ZC3H8: variants seen among roughly 807,000 people sequenced by gnomAD.
ZC3H8 encodes zinc finger CCCH-type containing 8.
Under a neutral mutation model 42.5 loss-of-function variants are expected in ZC3H8, and 27 were observed. That is an observed-to-expected ratio of 0.64 (90% confidence interval 0.47 to 0.88). The LOEUF is 0.88. Ranked by LOEUF, ZC3H8 falls within the 40% of genes least tolerant of loss-of-function variation. The pLI, the probability that ZC3H8 is intolerant of heterozygous loss-of-function variation, is 0.00. For missense variants in ZC3H8, 277 were observed against 336.1 expected (o/e 0.82, Z 1.37); for synonymous variants, 101 against 110.1 (o/e 0.92, Z 0.52).
intron 2 of ZC3H8, among the ~76,000 whole-genome samples, chr2:112,244,119 A>G (rs1685679194): frequency 6.6e-6 from 1 of 152,024 alleles, no homozygotes; most frequent in Non-Finnish European, 1.5e-5. Flanking sequence ...AAAGATTCAC[A>G]ATCGCATAGA....
At chr2:112,242,125 G>A (rs900476858) in intron 2 of ZC3H8, among the ~76,000 whole-genome samples, 2 of 152,168 alleles carry the variant, frequency 1.3e-5, no homozygotes, top group African/African-American at 4.8e-5. Flanking sequence ...TTAAATGAAT[G>A]GACAACAAAG....
At position 112,213,814 on chromosome 2, in the gene ZC3H8, T is replaced by C. The variant is rs914417963; in HGVS notation, c.*2670A>G. ...AAAAAAAAAAAAAAAAAAAAAAATTTAGTTCTACTATTATGTGGCTTTTAG... is the reference window on the plus strand; with the variant it reads ...AAAAAAAAAAAAAAAAAAAAAAATTCAGTTCTACTATTATGTGGCTTTTAG... On this transcript the variant is annotated 3_prime_UTR_variant, in exon 9 of 9. Transcript: ENST00000409573. 6.9e-6 allele frequency: 1 copy of C among 143,932 alleles called. No individual in the cohort carries two copies. Among genetic ancestry groups the C allele is most frequent in the Non-Finnish European group, 1.5e-5 (1 of 66,474 alleles). 8.9% of individuals were successfully genotyped at this position (143,932 alleles called of 1,614,324 possible).
intron 2 of ZC3H8, 35 bp downstream of exon 2, chr2:112,250,156 G>T: frequency 1.4e-6 from 2 of 1,465,888 alleles, no homozygotes; most frequent in Non-Finnish European, 1.8e-6. Flanking sequence ...AAAAATCTGC[G>T]TTTTCAACTT....
intron 4 of ZC3H8, 49 bp downstream of exon 4, chr2:112,236,513 C>A (rs1207191243): frequency 6.3e-7 from 1 of 1,596,854 alleles, no homozygotes; most frequent in Admixed American, 1.8e-5. Context: ...AAGATCAAGT[C>A]CAAAAGCATG....
At chr2:112,228,085 G>A (rs1573895930) in intron 8 of ZC3H8, among the ~76,000 whole-genome samples, 1 of 151,726 alleles carries the variant, frequency 6.6e-6, no homozygotes, top group East Asian at 1.9e-4. Context: ...TAGTGTATAA[G>A]GACACACATA....
Position 112,233,165 on chromosome 2 carries a change from GTA to G in ZC3H8, c.733+93_733+94del. 5.5e-5 allele frequency: 39 copies of G among 705,328 alleles called. 1 individual carries two copies. In the South Asian group the frequency reaches 8.6e-4, roughly 16 times the overall value. The allele number at this position is 705,328 out of a possible 1,614,324, so 43.7% of individuals were successfully genotyped here. On this transcript the variant is annotated intron_variant, in intron 6 of 8. Transcript: ENST00000409573. The stretch of plus-strand genomic sequence containing the variant: ...GTTGGGCTTGGATAATATCATTTTG[GTA>G]TACCTAAAACACTGGTTTCATTAAA...
At chr2:112,228,005 C>G (rs1263339173) in intron 8 of ZC3H8, among the ~76,000 whole-genome samples, 2 of 152,172 alleles carry the variant, frequency 1.3e-5, no homozygotes, top group African/African-American at 4.8e-5. Context: ...AAAAGTAGAA[C>G]AAAGCTAGAC....
In ZC3H8 at chr2:112,254,104, A is replaced by G. The variant is rs1184812308; in HGVS notation, c.74+804T>C. 5.1e-6 allele frequency: 5 copies of G among 984,140 alleles called. No individual in the cohort carries two copies. The South Asian group carries it at 1.4e-4, about 28-fold the overall frequency. 61.0% of individuals were successfully genotyped at this position (984,140 alleles called of 1,614,324 possible). A position where few individuals can be genotyped will look rare whatever the true frequency, so the allele number is the denominator to read the frequency against. ...TTATTTCATGTAAAGCACAAGGTAA[A>G]GCTCTGGATGATCAGTTAAGGTAAA... On this transcript the variant is annotated intron_variant, in intron 1 of 8. Coordinates refer to ENST00000409573, the MANE Select transcript of ZC3H8 (RefSeq NM_032494.3).
intron 2 of ZC3H8, among the ~76,000 whole-genome samples, chr2:112,246,963 A>G (rs1573924584): frequency 6.6e-6 from 1 of 152,200 alleles, no homozygotes; most frequent in Non-Finnish European, 1.5e-5. Context: ...TTTAGCAGTC[A>G]CCACCCTCAG....
chr2:112,226,457 C>T (rs1490901952), intron 8 of ZC3H8, among the ~76,000 whole-genome samples: 1 of 151,526 alleles, frequency 6.6e-6, no homozygotes, highest in Non-Finnish European at 1.5e-5. Flanking sequence ...GGTGAGGTGG[C>T]GGGTGCCTGT....
Position 112,233,407 on chromosome 2 carries a change from T to G in ZC3H8, c.622-36A>C, listed in dbSNP as rs758183496. On this transcript the variant is annotated intron_variant, in intron 5 of 8. Coordinates refer to ENST00000409573, the MANE Select transcript of ZC3H8 (RefSeq NM_032494.3). ...AGAAGGAGCAAGGAAAAGCCATTAT[T>G]TCTCATAGTCAAGTCATTATGATTT... 16 of 1,341,392 alleles carry G rather than the reference T, an allele frequency of 1.2e-5. No homozygotes were observed. In the East Asian group the frequency reaches 3.6e-4, roughly 30 times the overall value. The allele number at this position is 1,341,392 out of a possible 1,614,324, so 83.1% of individuals were successfully genotyped here.
At position 112,214,650 on chromosome 2, in the gene ZC3H8, A is replaced by T. The variant is rs916758107; in HGVS notation, c.*1834T>A. 6.6e-6 allele frequency: 1 copy of T among 152,220 alleles called. No individual in the cohort carries two copies. The allele number at this position is 152,220 out of a possible 1,614,324, so 9.4% of individuals were successfully genotyped here. ...TCTTGAGACGAATGGCTCTTGGTTC[A>T]GGGAACGGCACAGTGGGGGCGTGGC... On this transcript the variant is annotated 3_prime_UTR_variant, in exon 9 of 9. Transcript: ENST00000409573.
chr2:112,250,574 C>T (rs896111532), intron 1 of ZC3H8, among the ~76,000 whole-genome samples: 5 of 152,212 alleles, frequency 3.3e-5, no homozygotes, highest in African/African-American at 1.2e-4. Flanking sequence ...TAAGTACCCA[C>T]CATGTACGAG....
intron 2 of ZC3H8, among the ~76,000 whole-genome samples, chr2:112,238,902 G>A (rs1237149774): frequency 6.6e-6 from 1 of 152,166 alleles, no homozygotes; most frequent in Non-Finnish European, 1.5e-5. Context: ...TTCTGCCTTT[G>A]CATTGACAGT....
intron 4 of ZC3H8, 126 bp downstream of exon 4, chr2:112,236,436 C>T (rs560468036): frequency 4.7e-5 from 63 of 1,332,140 alleles, no homozygotes; most frequent in Admixed American, 1.3e-4. Flanking sequence ...CATCTTCATC[C>T]GAAAACCGAT....
At chr2:112,248,731 T>G (rs889643682) in intron 2 of ZC3H8, among the ~76,000 whole-genome samples, 1 of 152,150 alleles carries the variant, frequency 6.6e-6, no homozygotes, top group South Asian at 2.1e-4. Flanking sequence ...GGAATATACA[T>G]TACCTTTGTT....
At chr2:112,247,805 G>A (rs1456494480) in intron 2 of ZC3H8, among the ~76,000 whole-genome samples, 1 of 152,130 alleles carries the variant, frequency 6.6e-6, no homozygotes, top group African/African-American at 2.4e-5. Flanking sequence ...TACGAAGTCT[G>A]GAGGAGCTAA....
chr2:112,218,835 G>A (rs1304872873), intron 8 of ZC3H8, among the ~76,000 whole-genome samples: 1 of 151,992 alleles, frequency 6.6e-6, no homozygotes, highest in East Asian at 1.9e-4. Flanking sequence ...TTACTGCAGG[G>A]GTCAGTAACC....
At chr2:112,237,496 G>A (rs947175723) in intron 3 of ZC3H8, among the ~76,000 whole-genome samples, 1 of 152,004 alleles carries the variant, frequency 6.6e-6, no homozygotes, top group African/African-American at 2.4e-5. Flanking sequence ...TAGTCTACTG[G>A]AGCCTCGAAC....
Sources: allele counts gnomAD v4.1 joint callset (sites outside exome capture counted in the v4.1 genomes callset), GRCh38; gene constraint gnomAD v4.1.1; transcripts MANE v1.5; gene names NCBI Gene and HGNC (gene_info 2026-07-23, HGNC 2026-07-21).